Variants in SHB observed in about 807,000 individuals in gnomAD.
The protein encoded by SHB is SH2 domain containing adaptor protein B, also known as SH2 domain-containing adapter protein B.
Under a neutral mutation model 52.3 loss-of-function variants are expected in SHB, and 20 were observed. That is an observed-to-expected ratio of 0.38 (90% CI 0.27 to 0.56). SHB has a LOEUF of 0.56. Among genes scored for constraint, SHB ranks in the 20% least tolerant of loss-of-function variants. SHB has a pLI of 0.71. For missense variants in SHB, 825 were observed against 723.3 expected, an observed-to-expected ratio of 1.14 and a Z score of -1.61; for synonymous variants, 397 against 316.5, an observed-to-expected ratio of 1.25 and a Z score of -2.70.
chr9:38,021,777 C>T (rs1446314601), intron 1 of SHB, among the ~76,000 whole-genome samples: 1 of 152,250 alleles, frequency 6.6e-6, no homozygotes, highest in Non-Finnish European at 1.5e-5. Flanking sequence ...ATGTGCCCTG[C>T]TGTCTGTGGG....
At chr9:38,042,101 G>A (rs889934806) in intron 1 of SHB, among the ~76,000 whole-genome samples, 8 of 152,182 alleles carry the variant, frequency 5.3e-5, no homozygotes, top group East Asian at 1.9e-4. Context: ...GGTTTGGAGC[G>A]CAGGCCCTAG....
At chr9:37,995,036 T>C (rs1193276451) in intron 2 of SHB, among the ~76,000 whole-genome samples, 1 of 152,142 alleles carries the variant, frequency 6.6e-6, no homozygotes, top group Non-Finnish European at 1.5e-5. Flanking sequence ...TCTGCTTGCA[T>C]TTGGCACTCT....
chr9:37,952,631 C>T (rs1301705409), intron 4 of SHB, among the ~76,000 whole-genome samples: 1 of 152,068 alleles, frequency 6.6e-6, no homozygotes, highest in Non-Finnish European at 1.5e-5. Context: ...GGCAGGTGGC[C>T]GCAGAGATGG....
chr9:38,020,816 G>A (rs530792160), intron 1 of SHB, among the ~76,000 whole-genome samples: 15 of 152,282 alleles, frequency 9.9e-5, no homozygotes, highest in Admixed American at 2.6e-4. Context: ...TGAAAGTGAC[G>A]GGGTGGGGGG....
chr9:37,936,339 G>A (rs1832371397), intron 5 of SHB, among the ~76,000 whole-genome samples: 2 of 152,188 alleles, frequency 1.3e-5, no homozygotes, highest in Admixed American at 6.5e-5. Flanking sequence ...ACAGACAGTG[G>A]TTAATCACAA....
chr9:37,987,584 G>C (rs1820826832), intron 2 of SHB, among the ~76,000 whole-genome samples: 2 of 152,230 alleles, frequency 1.3e-5, no homozygotes, highest in Admixed American at 6.5e-5. Context: ...AGTGACACCA[G>C]GCAAGTCGCT....
intron 5 of SHB, among the ~76,000 whole-genome samples, chr9:37,941,526 A>G (rs1832433736): frequency 6.6e-6 from 1 of 152,186 alleles, no homozygotes; most frequent in Non-Finnish European, 1.5e-5. Context: ...GTCATGGGGC[A>G]CATGGCCAGG....
At chr9:37,998,939 C>G (rs993714101) in intron 2 of SHB, among the ~76,000 whole-genome samples, 8 of 152,212 alleles carry the variant, frequency 5.3e-5, no homozygotes, top group Non-Finnish European at 1.0e-4. Flanking sequence ...TCTGGGGAAC[C>G]CACTGTGAGT....
At chr9:38,028,683 A>C (rs1233701258) in intron 1 of SHB, among the ~76,000 whole-genome samples, 1 of 152,258 alleles carries the variant, frequency 6.6e-6, no homozygotes, top group Non-Finnish European at 1.5e-5. Context: ...CCAGTGAAAG[A>C]AGTTAAGGAG....
At chr9:38,058,543 A>C (rs753650223) in intron 1 of SHB, among the ~76,000 whole-genome samples, 7 of 152,070 alleles carry the variant, frequency 4.6e-5, no homozygotes, top group Non-Finnish European at 8.8e-5. Flanking sequence ...CTGCTCTAGA[A>C]TCTCCAGAGC....
chr9:37,924,172 G>A (rs1407157811), intron 5 of SHB, among the ~76,000 whole-genome samples: 1 of 152,228 alleles, frequency 6.6e-6, no homozygotes. Context: ...CCGGGGTGCT[G>A]GAGCTGTCAC....
chr9:38,015,814 G>GT (rs1365288273), intron 2 of SHB, among the ~76,000 whole-genome samples, 197 bp downstream of exon 2: 2 of 152,198 alleles, frequency 1.3e-5, no homozygotes, highest in East Asian at 1.9e-4. Flanking sequence ...TGCCCGGCCA[G>GT]TTTTTTTCCT....
chr9:37,968,971 C>T (rs933651205), intron 3 of SHB, among the ~76,000 whole-genome samples: 34 of 152,140 alleles, frequency 2.2e-4, no homozygotes, highest in Admixed American at 1.6e-3. Flanking sequence ...CATGGGATGG[C>T]GCTGGTCCCC....
intron 3 of SHB, among the ~76,000 whole-genome samples, chr9:37,971,847 C>A (rs1228991109): frequency 6.6e-6 from 1 of 152,196 alleles, no homozygotes; most frequent in Non-Finnish European, 1.5e-5. Context: ...GTTCTAAAAC[C>A]ACCTTTGGGC....
chr9:37,950,225 T>C (rs1832548870), intron 4 of SHB, among the ~76,000 whole-genome samples: 1 of 152,112 alleles, frequency 6.6e-6, no homozygotes, highest in Non-Finnish European at 1.5e-5. Context: ...GCGTGAGCCA[T>C]TGCATCCAGC....
intron 3 of SHB, among the ~76,000 whole-genome samples, chr9:37,972,792 A>T (rs1005783909): frequency 4.6e-5 from 7 of 152,196 alleles, no homozygotes; most frequent in African/African-American, 1.7e-4. Context: ...TGGAATGGCT[A>T]GAACAGCAAT....
intron 2 of SHB, among the ~76,000 whole-genome samples, chr9:38,014,879 G>A (rs957104344): frequency 5.9e-5 from 9 of 152,226 alleles, no homozygotes; most frequent in Admixed American, 3.9e-4. Flanking sequence ...CCCGGCACAC[G>A]CTCAGTGCTC....
intron 5 of SHB, among the ~76,000 whole-genome samples, chr9:37,925,430 CA>C (rs1486920487): frequency 1.3e-5 from 2 of 152,216 alleles, no homozygotes; most frequent in African/African-American, 4.8e-5. Flanking sequence ...ACACGCTTTT[CA>C]AATCAGAAAG....
intron 2 of SHB, among the ~76,000 whole-genome samples, chr9:38,009,219 G>C (rs966132867): frequency 2.6e-5 from 4 of 152,200 alleles, no homozygotes; most frequent in African/African-American, 9.6e-5. Flanking sequence ...TGTCCAGAAT[G>C]GTGTCCTGTC....
Sources: gnomAD v4.1 joint callset for allele counts (sites outside exome capture counted in the v4.1 genomes callset) on GRCh38, gnomAD v4.1.1 for gene constraint, MANE v1.5 for transcripts, NCBI Gene and HGNC (gene_info 2026-07-23, HGNC 2026-07-21) for gene names.